Variants in TPRG1 observed in about 807,000 individuals in gnomAD.
TPRG1 encodes tumor protein p63-regulated gene 1 protein.
In TPRG1, 29 loss-of-function variants were observed where a neutral mutation model predicts 29.3. The ratio of observed to expected loss-of-function variants is 0.99; its 90% confidence interval spans 0.74 to 1.35. TPRG1 has a LOEUF of 1.35. Ranked by LOEUF, TPRG1 falls within the 40% of genes most tolerant of loss-of-function variation. The probability of loss-of-function intolerance (pLI) is 0.00; values close to 1 mark genes in which losing one functional copy is unlikely to be tolerated. For synonymous variants in TPRG1, 130 were observed against 116.8 expected, an observed-to-expected ratio of 1.11 and a Z score of -0.73; for missense variants, 327 against 335.0, an observed-to-expected ratio of 0.98 and a Z score of 0.19.
chr3:189,290,181 T>C (rs1475452368), intron 4 of TPRG1, among the ~76,000 whole-genome samples: 1 of 152,240 alleles, frequency 6.6e-6, no homozygotes, highest in Non-Finnish European at 1.5e-5. Context: ...ATTATGGTCC[T>C]AATCTACTTT....
At chr3:189,175,417 G>A (rs1049256852) in intron 1 of TPRG1, among the ~76,000 whole-genome samples, 1 of 152,234 alleles carries the variant, frequency 6.6e-6, no homozygotes, top group Admixed American at 6.5e-5. Context: ...AGTGGAATGA[G>A]GCCAGAAGTC....
intron 4 of TPRG1, among the ~76,000 whole-genome samples, chr3:189,091,049 A>G (rs970930696): frequency 1.4e-4 from 22 of 152,174 alleles, no homozygotes; most frequent in Non-Finnish European, 3.1e-4. Context: ...AAATTAAATG[A>G]GAATGATTAT....
intron 4 of TPRG1, among the ~76,000 whole-genome samples, chr3:189,042,214 T>C (rs970791982): frequency 6.6e-6 from 1 of 152,156 alleles, no homozygotes; most frequent in Non-Finnish European, 1.5e-5. Context: ...AAAGATAAAC[T>C]TTTAGCTATA....
chr3:189,232,296 T>C (rs1247064686), intron 3 of TPRG1, among the ~76,000 whole-genome samples: 1 of 152,168 alleles, frequency 6.6e-6, no homozygotes, highest in Non-Finnish European at 1.5e-5. Context: ...TACTCCTGAG[T>C]CCTTTCCTTG....
At chr3:189,003,175 C>A (rs569785403) in intron 2 of TPRG1, among the ~76,000 whole-genome samples, 88 of 152,170 alleles carry the variant, frequency 5.8e-4, no homozygotes, top group Admixed American at 1.4e-3. Context: ...TTGGTGTAAA[C>A]CACATTCCAC....
chr3:189,275,717 T>C (rs1009307233), intron 4 of TPRG1, among the ~76,000 whole-genome samples: 3 of 152,170 alleles, frequency 2.0e-5, no homozygotes, highest in African/African-American at 7.2e-5. Flanking sequence ...AATGTTTGTA[T>C]TTTCTTGGTG....
At chr3:189,148,865 A>G (rs1371450373) in intron 4 of TPRG1, among the ~76,000 whole-genome samples, 6 of 152,220 alleles carry the variant, frequency 3.9e-5, no homozygotes, top group Non-Finnish European at 8.8e-5. Flanking sequence ...AGAAGTGGGG[A>G]TTCAGAGCCC....
chr3:189,113,548 C>T (rs1720805623), intron 1 of TPRG1, among the ~76,000 whole-genome samples: 1 of 151,970 alleles, frequency 6.6e-6, no homozygotes, highest in African/African-American at 2.4e-5. Context: ...TGAGATATGT[C>T]CCATCAATAC....
At chr3:189,050,795 T>C (rs1284308474) in intron 4 of TPRG1, among the ~76,000 whole-genome samples, 1 of 152,158 alleles carries the variant, frequency 6.6e-6, no homozygotes, top group Non-Finnish European at 1.5e-5. Flanking sequence ...AGTCAATAAA[T>C]GTGAAACACC....
chr3:188,999,051 T>C (rs1044900966), intron 1 of TPRG1, among the ~76,000 whole-genome samples: 2 of 152,182 alleles, frequency 1.3e-5, no homozygotes, highest in Non-Finnish European at 2.9e-5. Context: ...ACAATTATTA[T>C]GTATCAATAA....
At chr3:189,066,941 C>T (rs891318044) in intron 4 of TPRG1, among the ~76,000 whole-genome samples, 2 of 152,064 alleles carry the variant, frequency 1.3e-5, no homozygotes, top group South Asian at 2.1e-4. Context: ...CACCAAAAAA[C>T]TATTAGAACT....
At chr3:189,177,538 A>T (rs1729653744) in intron 1 of TPRG1, among the ~76,000 whole-genome samples, 1 of 151,772 alleles carries the variant, frequency 6.6e-6, no homozygotes, top group Admixed American at 6.6e-5. Context: ...ATACATATAT[A>T]TATATGGTAT....
chr3:189,031,381 T>C (rs1053357189), intron 4 of TPRG1, among the ~76,000 whole-genome samples: 6 of 152,172 alleles, frequency 3.9e-5, no homozygotes, highest in African/African-American at 1.4e-4. Context: ...ACAGGATATG[T>C]GGTACCAATA....
At chr3:189,314,197 G>A (rs9822190) in intron 5 of TPRG1, among the ~76,000 whole-genome samples, 91 of 151,986 alleles carry the variant, frequency 6.0e-4, no homozygotes, top group Middle Eastern at 3.4e-3. Context: ...TGTTGAATTC[G>A]AAACATGTTG....
intron 3 of TPRG1, among the ~76,000 whole-genome samples, chr3:189,218,934 A>T (rs74603148): frequency 7.9e-4 from 120 of 152,246 alleles, no homozygotes; most frequent in African/African-American, 2.8e-3. Context: ...GAAGAGACTA[A>T]GGGCCTTTGC....
At chr3:189,186,215 C>T (rs1730896025) in intron 1 of TPRG1, among the ~76,000 whole-genome samples, 1 of 152,144 alleles carries the variant, frequency 6.6e-6, no homozygotes, top group Non-Finnish European at 1.5e-5. Flanking sequence ...TGGGTTATTT[C>T]ATAAACTGGA....
intron 4 of TPRG1, among the ~76,000 whole-genome samples, chr3:189,251,093 C>T (rs1205728617): frequency 6.6e-6 from 1 of 152,080 alleles, no homozygotes; most frequent in African/African-American, 2.4e-5. Context: ...CTCTCTCTCT[C>T]TCTTTCCTTA....
intron 5 of TPRG1, 36 bp from the exon 6 acceptor site, chr3:189,320,590 G>A: frequency 6.4e-7 from 1 of 1,555,596 alleles, no homozygotes; most frequent in Non-Finnish European, 8.7e-7. Context: ...TTAATCTACA[G>A]TAACTAACTT....
chr3:189,123,828 A>G (rs1722108363), intron 1 of TPRG1: 1 of 152,186 alleles, frequency 6.6e-6, no homozygotes. Flanking sequence ...TAAACTTGAC[A>G]GGAGTGATTC....
Sources: gnomAD v4.1 joint callset for allele counts (sites outside exome capture counted in the v4.1 genomes callset) on GRCh38, gnomAD v4.1.1 for gene constraint, MANE v1.5 for transcripts, NCBI Gene and HGNC (gene_info 2026-07-23, HGNC 2026-07-21) for gene names.